Variants in RABEPK observed in about 807,000 individuals in gnomAD.
RABEPK encodes the protein 40 kDa Rab9 effector protein.
In RABEPK, 27 loss-of-function variants were observed where a neutral mutation model predicts 34.1. The observed-to-expected ratio is 0.79, with a 90% confidence interval of 0.58 to 1.09. The LOEUF is 1.09. Ranked by LOEUF, RABEPK falls within the 50% of genes least tolerant of loss-of-function variation. The pLI is 0.00. For synonymous variants in RABEPK, 172 were observed against 169.2 expected (o/e 1.02, Z -0.13); for missense variants, 449 against 462.6 (o/e 0.97, Z 0.27).
rs548350777 is a variant in RABEPK at position 125,200,689 on chromosome 9, C to T, written c.-224C>T. On this transcript the variant is annotated 5_prime_UTR_variant, in exon 1 of 8. Transcript: ENST00000373538. The stretch of plus-strand genomic sequence containing the variant: ...TAGGGGAGTGGGCCCAAGCCGGGTG[C>T]AAAGAACGGGGAAGGGCCTTCCCTG... The T allele has an allele frequency of 1.1e-5, 5 of 471,214 alleles. No homozygotes were observed. The highest frequency in any genetic ancestry group is 8.0e-5 in the African/African-American group (4 of 50,216). The allele number at this position is 471,214 out of a possible 1,614,324, so 29.2% of individuals were successfully genotyped here.
intron 5 of RABEPK, chr9:125,222,525 C>G (rs1216643472): frequency 6.6e-6 from 1 of 151,370 alleles, no homozygotes; most frequent in South Asian, 2.1e-4. Context: ...GCAGCCTGAC[C>G]AACATAGTGA....
intron 6 of RABEPK, among the ~76,000 whole-genome samples, chr9:125,232,251 C>CAGAGAG (rs34634332): frequency 1.3e-5 from 2 of 149,286 alleles, no homozygotes; most frequent in East Asian, 2.0e-4. Context: ...CACACAGAGA[C>CAGAGAG]AGAGAGAGAG....
At chr9:125,212,923 C>T (rs1405792118) in intron 3 of RABEPK, among the ~76,000 whole-genome samples, 4 of 152,082 alleles carry the variant, frequency 2.6e-5, no homozygotes, top group African/African-American at 9.7e-5. Flanking sequence ...CCACCTGGGC[C>T]TCCCAAAGTG....
rs572520528 is a variant in RABEPK at position 125,219,609 on chromosome 9, G to T, written c.365-930G>T. ...GTAGAGATGGGATTTCACCATGTTG[G>T]CCAGGCTGGTCTAGAACTCCTACCC... On this transcript the variant is annotated intron_variant, in intron 4 of 7. Transcript: ENST00000373538. 3.0e-4 allele frequency among the ~76,000 whole-genome samples: 45 copies of T among 151,784 alleles called. 1 individual carries two copies. In the South Asian group the frequency reaches 4.6e-3, roughly 15 times the overall value.
chr9:125,220,237 A>G (rs1831227524), intron 4 of RABEPK: 3 of 1,208,268 alleles, frequency 2.5e-6, no homozygotes, highest in South Asian at 6.6e-5. Context: ...CCTGACCTCA[A>G]GTGATCCGCC....
At position 125,214,949 on chromosome 9, in the gene RABEPK, C is replaced by T. The variant is rs564795781; in HGVS notation, c.364+1427C>T. Among the ~76,000 whole-genome samples the T allele has an allele frequency of 4.6e-5, 7 of 151,986 alleles. No individual in the cohort carries two copies. The South Asian group carries it at 1.5e-3, about 32-fold the overall frequency. On this transcript the variant is annotated intron_variant, in intron 4 of 7. Coordinates refer to ENST00000373538, the MANE Select transcript of RABEPK (RefSeq NM_005833.4). ...GGGATTACAGGCATGCGCCACCATG[C>T]CTGGCTAATTTTGTATTTTTAGCAG...
At chr9:125,203,343 C>CG (rs1190123007) in intron 2 of RABEPK, among the ~76,000 whole-genome samples, 1 of 152,270 alleles carries the variant, frequency 6.6e-6, no homozygotes, top group African/African-American at 2.4e-5. Flanking sequence ...TGTCTTCCCC[C>CG]GAGCTCTGAC....
intron 5 of RABEPK, chr9:125,222,122 T>G (rs982248329): frequency 6.6e-6 from 1 of 150,672 alleles, no homozygotes; most frequent in Non-Finnish European, 1.5e-5. Context: ...CAAAGTAAAA[T>G]TGGGAAAATT....
intron 6 of RABEPK, among the ~76,000 whole-genome samples, chr9:125,228,780 A>C (rs1469171351): frequency 6.9e-6 from 1 of 145,286 alleles, no homozygotes; most frequent in African/African-American, 2.6e-5. Flanking sequence ...TGGCCAACAT[A>C]GTGAAACCCC....
intron 1 of RABEPK, among the ~76,000 whole-genome samples, chr9:125,202,408 G>C (rs899908196): frequency 1.3e-5 from 2 of 151,748 alleles, no homozygotes; most frequent in Non-Finnish European, 2.9e-5. Context: ...TGTAATCTCA[G>C]CTACTCAGGA....
intron 2 of RABEPK, among the ~76,000 whole-genome samples, chr9:125,203,674 C>T (rs976275039): frequency 6.6e-6 from 1 of 152,190 alleles, no homozygotes; most frequent in African/African-American, 2.4e-5. Flanking sequence ...ACCCAGAATA[C>T]AGCCAATCAT....
chr9:125,229,254 C>CA (rs954611823), intron 6 of RABEPK, among the ~76,000 whole-genome samples: 17 of 134,086 alleles, frequency 1.3e-4, no homozygotes, highest in Admixed American at 3.1e-4. Context: ...ACTCCGTCTC[C>CA]AAAAAAAAAA....
chr9:125,220,820 T>C, intron 5 of RABEPK, 120 bp downstream of exon 5: 3 of 1,249,502 alleles, frequency 2.4e-6, no homozygotes, highest in Non-Finnish European at 3.2e-6. Context: ...CTAGACTTCT[T>C]TGTTATATCT....
chr9:125,209,366 T>C (rs994511090), intron 3 of RABEPK, among the ~76,000 whole-genome samples: 1 of 151,180 alleles, frequency 6.6e-6, no homozygotes, highest in African/African-American at 2.4e-5. Context: ...CCTTTTTTTT[T>C]TGAGGCAGCG....
Position 125,233,854 on chromosome 9 carries a change from AG to A in RABEPK, c.994del (p.Val332Ter). 5.0e-6 allele frequency: 8 copies of A among 1,614,178 alleles called. No individual in the cohort carries two copies. The highest frequency in any genetic ancestry group is 6.8e-6 in the Non-Finnish European group (8 of 1,180,018). ...EAEKEDSADK[V>X]MSHSGDSHEE... ...CTGAGAAAGAGGATTCAGCTGACAA[AG>A]TAATGAGCCACAGTGGTGACTCACA... On this transcript the variant is annotated frameshift_variant, in exon 8 of 8. Transcript: ENST00000373538. LOFTEE classifies it high-confidence loss of function.
rs747367105 is a variant in RABEPK at position 125,228,007 on chromosome 9, C to T, written c.624C>T (p.His208=). The change falls in exon 6 of 8, where the codon CAC becomes CAT. Residue 208 remains histidine, a synonymous_variant. Transcript: ENST00000373538. ...CAGCAGGGACAAAGCTCTTCATCCA[C>T]GGAGGCTTGGCGGGGGACAGATTCT... ...MVAAGTKLFI[H]GGLAGDRFYD... is the part of the protein sequence containing the mutation. The T allele has an allele frequency of 1.6e-5, 25 of 1,606,126 alleles. No individual in the cohort carries two copies. The highest frequency in any genetic ancestry group is 1.0e-4 in the Admixed American group (6 of 59,420).
At chr9:125,233,490 C>T (rs1343088030) in intron 7 of RABEPK, among the ~76,000 whole-genome samples, 198 bp from the exon 8 acceptor site, 1 of 151,896 alleles carries the variant, frequency 6.6e-6, no homozygotes, top group Non-Finnish European at 1.5e-5. Flanking sequence ...AGGTGCCCGC[C>T]ACCATGCCCA....
intron 1 of RABEPK, among the ~76,000 whole-genome samples, 155 bp from the exon 2 acceptor site, chr9:125,202,853 A>ATAAG (rs1482413731): frequency 6.6e-6 from 1 of 152,002 alleles, no homozygotes; most frequent in Non-Finnish European, 1.5e-5. Context: ...AAATAAATAA[A>ATAAG]TAATAAAAAT....
intron 4 of RABEPK, among the ~76,000 whole-genome samples, chr9:125,215,107 C>G (rs1288454547): frequency 6.6e-6 from 1 of 151,660 alleles, no homozygotes; most frequent in African/African-American, 2.4e-5. Flanking sequence ...CTGTCTTTTT[C>G]CTGTCTTTTC....
Sources: gnomAD v4.1 joint callset for allele counts (sites outside exome capture counted in the v4.1 genomes callset) on GRCh38, gnomAD v4.1.1 for gene constraint, MANE v1.5 for transcripts, NCBI Gene and HGNC (gene_info 2026-07-23, HGNC 2026-07-21) for gene names.